Variants in OSBP2 observed in about 807,000 individuals in gnomAD.
OSBP2 encodes the protein oxysterol binding protein 2.
Under a neutral mutation model 96.0 loss-of-function variants are expected in OSBP2, and 66 were observed. The ratio of observed to expected loss-of-function variants is 0.69; its 90% confidence interval spans 0.56 to 0.84. The LOEUF (loss-of-function observed/expected upper bound fraction) is 0.84. Ranked by LOEUF, OSBP2 falls within the 40% of genes least tolerant of loss-of-function variation. The probability of loss-of-function intolerance (pLI) is 0.00; values close to 1 mark genes in which losing one functional copy is unlikely to be tolerated. For synonymous variants in OSBP2, 525 were observed against 520.9 expected (o/e 1.01, Z -0.11); for missense variants, 1,038 against 1,222.7 (o/e 0.85, Z 2.25).
At chr22:30,893,015 C>A in intron 8 of OSBP2, 107 bp from the exon 9 acceptor site, 3 of 1,444,192 alleles carry the variant, frequency 2.1e-6, no homozygotes, top group Non-Finnish European at 9.5e-7. Flanking sequence ...CCTATGGCCA[C>A]AGAGCTGTGC....
At chr22:30,721,721 C>G (rs997954430) in intron 1 of OSBP2, among the ~76,000 whole-genome samples, 7 of 152,128 alleles carry the variant, frequency 4.6e-5, no homozygotes, top group African/African-American at 1.7e-4. Flanking sequence ...TTGTATGTCT[C>G]ACCATCAGAT....
At chr22:30,793,543 T>C (rs527957034) in intron 2 of OSBP2, among the ~76,000 whole-genome samples, 1 of 152,190 alleles carries the variant, frequency 6.6e-6, no homozygotes, top group African/African-American at 2.4e-5. Context: ...CCCAACACTT[T>C]GGGAGGCCAA....
intron 2 of OSBP2, among the ~76,000 whole-genome samples, chr22:30,809,430 G>A (rs2090976837): frequency 6.6e-6 from 1 of 152,204 alleles, no homozygotes; most frequent in African/African-American, 2.4e-5. Context: ...TGGGGTGGCA[G>A]CTGTCAAGGA....
At chr22:30,810,200 C>T (rs991139026) in intron 2 of OSBP2, among the ~76,000 whole-genome samples, 9 of 151,926 alleles carry the variant, frequency 5.9e-5, no homozygotes, top group Non-Finnish European at 1.3e-4. Flanking sequence ...TGTCCTCAAG[C>T]GAGGACAGAG....
chr22:30,904,318 C>G (rs949497590), intron 12 of OSBP2, among the ~76,000 whole-genome samples: 6 of 152,214 alleles, frequency 3.9e-5, no homozygotes, highest in African/African-American at 1.4e-4. Flanking sequence ...TTCTCTGCTT[C>G]TGAGATAAGA....
chr22:30,723,879 C>A (rs1227318494), intron 1 of OSBP2, among the ~76,000 whole-genome samples: 1 of 152,122 alleles, frequency 6.6e-6, no homozygotes, highest in Non-Finnish European at 1.5e-5. Context: ...GTGGATGAAC[C>A]CACATCGTTA....
intron 2 of OSBP2, among the ~76,000 whole-genome samples, chr22:30,774,959 C>T (rs928301772): frequency 7.9e-5 from 12 of 152,234 alleles, no homozygotes; most frequent in African/African-American, 1.7e-4. Context: ...ATATGGTCCC[C>T]GTTCTCATCA....
chr22:30,725,790 CTTT>C (rs136374), intron 1 of OSBP2, among the ~76,000 whole-genome samples: 1 of 142,198 alleles, frequency 7.0e-6, no homozygotes, highest in Non-Finnish European at 1.5e-5. Context: ...TCAAAAGAGT[CTTT>C]TTTTTTTTTT....
intron 2 of OSBP2, among the ~76,000 whole-genome samples, chr22:30,867,267 T>C (rs995865115): frequency 2.6e-5 from 4 of 152,050 alleles, no homozygotes; most frequent in African/African-American, 7.2e-5. Flanking sequence ...TGCCACATGC[T>C]CCCTTTTGCC....
At chr22:30,886,048 A>C (rs768369292) in intron 3 of OSBP2, among the ~76,000 whole-genome samples, 8 of 152,168 alleles carry the variant, frequency 5.3e-5, no homozygotes, top group Admixed American at 1.3e-4. Context: ...ACAAAAACAG[A>C]CTCTGCAAAA....
At chr22:30,823,415 T>G (rs2038328841) in intron 2 of OSBP2, among the ~76,000 whole-genome samples, 1 of 152,278 alleles carries the variant, frequency 6.6e-6, no homozygotes, top group Non-Finnish European at 1.5e-5. Flanking sequence ...TGAGTGTTTC[T>G]GTTAACATCT....
chr22:30,808,568 T>C (rs1187362057), intron 2 of OSBP2, among the ~76,000 whole-genome samples: 1 of 152,140 alleles, frequency 6.6e-6, no homozygotes, highest in African/African-American at 2.4e-5. Flanking sequence ...ATGACTTTGT[T>C]TGGAAATAGG....
chr22:30,768,537 C>T (rs1454401888), intron 2 of OSBP2, among the ~76,000 whole-genome samples: 1 of 152,008 alleles, frequency 6.6e-6, no homozygotes, highest in East Asian at 1.9e-4. Context: ...GTTATCTGGG[C>T]ATGGTGGCAT....
chr22:30,893,977 T>A lies in OSBP2; in HGVS notation c.2351T>A (p.Leu784Gln). 6.3e-7 allele frequency: 1 copy of A among 1,598,980 alleles called. No homozygotes were observed. Among genetic ancestry groups the A allele is most frequent in the Non-Finnish European group, 8.5e-7 (1 of 1,173,252 alleles). Residue 784 changes from leucine (L) to glutamine (Q), a missense_variant, in exon 12 of 14, where the codon CTG becomes CAG. By Grantham distance (113) the Leu-to-Gln change is moderately radical (BLOSUM62 -2). Around this residue, in one of 3 missense-constraint regions of OSBP2, gnomAD observed 737 missense variants for 913.3 expected, o/e 0.81. Coordinates refer to ENST00000332585, the MANE Select transcript of OSBP2 (RefSeq NM_030758.4). ...GTGTACCAGACCCTGTCAGCCAAGCTGCTGTGGAAGAAGTACCCGCTGCCG... is the reference window on the plus strand; with the variant it reads ...GTGTACCAGACCCTGTCAGCCAAGCAGCTGTGGAAGAAGTACCCGCTGCCG... ...KTVYQTLSAKLLWKKYPLPEN... is the reference protein window; with the variant it reads ...KTVYQTLSAKQLWKKYPLPEN...
intron 1 of OSBP2, among the ~76,000 whole-genome samples, chr22:30,712,195 C>T (rs2089364428): frequency 6.6e-6 from 1 of 152,142 alleles, no homozygotes; most frequent in Admixed American, 6.5e-5. Context: ...TTCCTCCTTA[C>T]CCTCCTCCTC....
intron 1 of OSBP2, among the ~76,000 whole-genome samples, chr22:30,721,895 A>C (rs2089558422): frequency 6.6e-6 from 1 of 152,078 alleles, no homozygotes. Context: ...TTAGTGTAGT[A>C]TTTTGGTAGG....
chr22:30,882,840 A>G (rs1427994577), intron 3 of OSBP2, among the ~76,000 whole-genome samples: 1 of 152,252 alleles, frequency 6.6e-6, no homozygotes, highest in Admixed American at 6.5e-5. Context: ...CCCTGTGAAC[A>G]GCAAAGGTAG....
intron 2 of OSBP2, among the ~76,000 whole-genome samples, chr22:30,867,617 G>A (rs1463741348): frequency 6.6e-6 from 1 of 152,172 alleles, no homozygotes; most frequent in Non-Finnish European, 1.5e-5. Flanking sequence ...TTCTCATCCT[G>A]CCCCAACAAC....
chr22:30,796,838 A>G (rs778855237), intron 2 of OSBP2, among the ~76,000 whole-genome samples: 1 of 152,216 alleles, frequency 6.6e-6, no homozygotes, highest in Non-Finnish European at 1.5e-5. Flanking sequence ...CAAAATACAC[A>G]TATCATAACG....
Sources: gnomAD v4.1 joint callset for allele counts (sites outside exome capture counted in the v4.1 genomes callset) on GRCh38, gnomAD v4.1.1 for gene constraint, gnomAD v4.1.1 regional missense constraint, MANE v1.5 for transcripts, NCBI Gene and HGNC (gene_info 2026-07-23, HGNC 2026-07-21) for gene names.